Variants in CD226 observed in about 807,000 individuals in gnomAD.
CD226 encodes CD226 antigen.
CD226 carries 24 observed loss-of-function variants against 34.9 expected under a neutral mutation model. That is an observed-to-expected ratio of 0.69 (90% CI 0.50 to 0.97). The LOEUF (loss-of-function observed/expected upper bound fraction) is 0.97, where lower values mean the gene tolerates loss of function less well. CD226 is among the 50% of genes least tolerant of loss of function. The pLI is 0.00. For synonymous variants in CD226, 148 were observed against 147.4 expected, an observed-to-expected ratio of 1.00 and a Z score of -0.03; for missense variants, 397 against 412.7, an observed-to-expected ratio of 0.96 and a Z score of 0.33.
upstream of CD226, among the ~76,000 whole-genome samples, chr18:69,958,720 G>T (rs2055914863): frequency 6.6e-6 from 1 of 151,638 alleles, no homozygotes; most frequent in African/African-American, 2.4e-5. Flanking sequence ...AATGCAGATT[G>T]ATACAGGCTG....
upstream of CD226, among the ~76,000 whole-genome samples, chr18:69,959,197 G>A (rs999520940): frequency 6.6e-6 from 1 of 152,110 alleles, no homozygotes; most frequent in African/African-American, 2.4e-5. Context: ...AAAATAACCT[G>A]AGACAAATTA....
upstream of CD226, chr18:69,961,535 G>C (rs896885141): frequency 5.9e-5 from 9 of 152,178 alleles, no homozygotes; most frequent in African/African-American, 2.2e-4. Flanking sequence ...AGTAAGCAAT[G>C]GATGAACTGC....
At chr18:69,891,734 C>T (rs538077926) in intron 3 of CD226, among the ~76,000 whole-genome samples, 3 of 152,194 alleles carry the variant, frequency 2.0e-5, no homozygotes, top group Admixed American at 6.5e-5. Context: ...AAATCCCATC[C>T]CCAATAACAA....
chr18:69,929,296 T>C (rs2055561278), intron 2 of CD226, among the ~76,000 whole-genome samples: 1 of 151,304 alleles, frequency 6.6e-6, no homozygotes, highest in African/African-American at 2.4e-5. Flanking sequence ...GTGTGGATCG[T>C]GAGGACACCC....
At chr18:69,948,466 C>A (rs992100656), upstream of CD226, among the ~76,000 whole-genome samples, 2 of 152,084 alleles carry the variant, frequency 1.3e-5, no homozygotes, top group Non-Finnish European at 2.9e-5. Context: ...TTATCTAATG[C>A]CGACCCTGAA....
rs184115127 is a variant in CD226 at position 69,923,521 on chromosome 18, C to A, written c.382+23213G>T. 2.1e-4 allele frequency among the ~76,000 whole-genome samples: 32 copies of A among 152,272 alleles called. No individual in the cohort carries two copies. The East Asian group carries it at 5.2e-3, about 25-fold the overall frequency. ...CTCTATCACCTTCTCTATCTGAGAA[C>A]TGACCAATGGAAATTCATAACTTTA... On this transcript the variant is annotated intron_variant, in intron 2 of 5. Transcript: ENST00000582621.
At chr18:69,958,821 AC>A, upstream of CD226, among the ~76,000 whole-genome samples, 1 of 150,146 alleles carries the variant, frequency 6.7e-6, no homozygotes, top group South Asian at 2.1e-4. Context: ...ACACACACAC[AC>A]ACACACATCC....
At chr18:69,910,892 A>G (rs963224584) in intron 2 of CD226, among the ~76,000 whole-genome samples, 3 of 152,192 alleles carry the variant, frequency 2.0e-5, no homozygotes, top group Admixed American at 6.5e-5. Context: ...CAGATGGTAG[A>G]GCAGAAGGAA....
chr18:69,921,871 T>C (rs17081833), intron 2 of CD226, among the ~76,000 whole-genome samples: 6,474 of 152,282 alleles, frequency 0.043, 485 homozygotes, highest in African/African-American at 0.15. Context: ...GGGGATTTTA[T>C]GGGTTTTTTT....
intron 3 of CD226, among the ~76,000 whole-genome samples, chr18:69,874,118 G>T (rs1189663833): frequency 2.6e-5 from 4 of 152,068 alleles, no homozygotes; most frequent in African/African-American, 7.2e-5. Flanking sequence ...CAATTCAACT[G>T]ACCGACTCCA....
intron 2 of CD226, among the ~76,000 whole-genome samples, chr18:69,940,584 TG>T (rs367970800): frequency 0.012 from 1,876 of 152,320 alleles, 23 homozygotes; most frequent in South Asian, 0.038. Flanking sequence ...ACTCTTGCTA[TG>T]CAAAGAGTTT....
intron 2 of CD226, among the ~76,000 whole-genome samples, chr18:69,919,462 A>G (rs974616478): frequency 1.3e-5 from 2 of 152,248 alleles, no homozygotes; most frequent in Non-Finnish European, 2.9e-5. Context: ...TTTCACCATA[A>G]TATTTAAAGG....
intron 2 of CD226, among the ~76,000 whole-genome samples, chr18:69,906,724 T>C (rs907484331): frequency 2.0e-5 from 3 of 152,090 alleles, no homozygotes; most frequent in Non-Finnish European, 4.4e-5. Context: ...AAATGGCAAA[T>C]GACGAATGGG....
intron 3 of CD226, among the ~76,000 whole-genome samples, chr18:69,878,106 T>G (rs1378617379): frequency 6.6e-6 from 1 of 152,198 alleles, no homozygotes; most frequent in Non-Finnish European, 1.5e-5. Context: ...TTTTTAAGTT[T>G]TGCTAATAGA....
chr18:69,955,480 G>T (rs754996364), intron 1 of CD226, among the ~76,000 whole-genome samples: 2 of 152,132 alleles, frequency 1.3e-5, no homozygotes, highest in South Asian at 4.1e-4. Context: ...AGTGTGAGAG[G>T]TCGTTTGCTC....
At chr18:69,909,991 A>G (rs984432474) in intron 2 of CD226, among the ~76,000 whole-genome samples, 1 of 152,254 alleles carries the variant, frequency 6.6e-6, no homozygotes, top group African/African-American at 2.4e-5. Flanking sequence ...AAAATTATCA[A>G]TGACATGTAT....
chr18:69,911,047 T>C (rs948112152), intron 2 of CD226, among the ~76,000 whole-genome samples: 3 of 152,210 alleles, frequency 2.0e-5, no homozygotes, highest in African/African-American at 4.8e-5. Flanking sequence ...AAACTGGGTG[T>C]TGGCGAAGTG....
chr18:69,885,046 C>G (rs1984478587), intron 3 of CD226, among the ~76,000 whole-genome samples: 1 of 152,144 alleles, frequency 6.6e-6, no homozygotes, highest in Non-Finnish European at 1.5e-5. Flanking sequence ...TTCTCCGGCA[C>G]ACTTTTATTA....
chr18:69,948,593 C>T (rs1230849477), upstream of CD226, among the ~76,000 whole-genome samples: 1 of 152,134 alleles, frequency 6.6e-6, no homozygotes, highest in East Asian at 1.9e-4. Flanking sequence ...ATAATCAGAA[C>T]AAAATTGTAA....
Sources: gnomAD v4.1 joint callset for allele counts (sites outside exome capture counted in the v4.1 genomes callset) on GRCh38, gnomAD v4.1.1 for gene constraint, MANE v1.5 for transcripts, NCBI Gene and HGNC (gene_info 2026-07-23, HGNC 2026-07-21) for gene names.